Variants in NBEA observed in about 807,000 individuals in gnomAD.
NBEA encodes the protein neurobeachin, also known as lysosomal-trafficking regulator 2.
A neutral mutation model predicts 343.4 loss-of-function variants in NBEA; 44 were observed. The ratio of observed to expected loss-of-function variants is 0.13; its 90% CI spans 0.10 to 0.16. NBEA has a LOEUF of 0.16. Ranked by LOEUF, NBEA falls within the 10% of genes least tolerant of loss-of-function variation. NBEA has a pLI of 1.00. For synonymous variants in NBEA, 1,175 were observed against 1,238.7 expected (o/e 0.95, Z 1.08); for missense variants, 2,555 against 3,631.3 (o/e 0.70, Z 7.62).
At chr13:35,468,830 G>A (rs1326462542) in intron 40 of NBEA, among the ~76,000 whole-genome samples, 1 of 152,088 alleles carries the variant, frequency 6.6e-6, no homozygotes, top group East Asian at 1.9e-4. Context: ...CGTGCACAGC[G>A]GCTCATGCCT....
intron 36 of NBEA, among the ~76,000 whole-genome samples, chr13:35,314,498 C>T (rs146844325): frequency 4.3e-4 from 65 of 152,200 alleles, no homozygotes; most frequent in Non-Finnish European, 7.5e-4. Flanking sequence ...TCTCCCAGTA[C>T]CTCAATTTTT....
intron 40 of NBEA, among the ~76,000 whole-genome samples, chr13:35,455,409 A>AG (rs1020619390): frequency 1.3e-5 from 2 of 150,410 alleles, no homozygotes; most frequent in East Asian, 1.9e-4. Flanking sequence ...AAAAAAAAAA[A>AG]AAGAAGAAGA....
chr13:34,948,509 C>A (rs1188854620), intron 1 of NBEA, among the ~76,000 whole-genome samples: 1 of 152,154 alleles, frequency 6.6e-6, no homozygotes, highest in African/African-American at 2.4e-5. Context: ...ATCTTCTAAC[C>A]ATTAAATTAT....
intron 41 of NBEA, among the ~76,000 whole-genome samples, chr13:35,514,540 C>T (rs1473978661): frequency 6.6e-6 from 1 of 151,856 alleles, no homozygotes; most frequent in Non-Finnish European, 1.5e-5. Context: ...GATGCAAAAG[C>T]CTACTAAAAT....
intron 37 of NBEA, among the ~76,000 whole-genome samples, chr13:35,350,669 G>A (rs765260960): frequency 7.3e-5 from 11 of 150,354 alleles, no homozygotes; most frequent in Non-Finnish European, 1.3e-4. Flanking sequence ...TTTGATGATT[G>A]TACCTTATTT....
chr13:35,368,723 C>T (rs1194870930), intron 38 of NBEA, among the ~76,000 whole-genome samples: 1 of 151,532 alleles, frequency 6.6e-6, no homozygotes, highest in Non-Finnish European at 1.5e-5. Flanking sequence ...ACAGTACCTG[C>T]CACTTAGGCT....
Position 34,965,882 on chromosome 13 carries a change from C to T in NBEA, c.294+22768C>T, listed in dbSNP as rs557892564. On this transcript the variant is annotated intron_variant, in intron 1 of 58. Transcript: ENST00000379939. ...ATTATCTGTTGTTGTTTGTTTGTAC[C>T]GAATGTAATAAAATGATAATGTAGT... is the stretch of plus-strand genomic sequence containing the variant. Among the ~76,000 whole-genome samples, 6 of 151,966 alleles carry T rather than the reference C, an allele frequency of 3.9e-5. No individual in the cohort carries two copies. The East Asian group carries it at 7.7e-4, about 20-fold the overall frequency.
chr13:35,371,291 A>T (rs2041417691), intron 38 of NBEA, among the ~76,000 whole-genome samples: 1 of 151,832 alleles, frequency 6.6e-6, no homozygotes, highest in South Asian at 2.1e-4. Flanking sequence ...TGTTATGAGG[A>T]CTTTGTTTAT....
intron 40 of NBEA, among the ~76,000 whole-genome samples, chr13:35,471,577 A>C (rs1046048462): frequency 1.3e-5 from 2 of 152,274 alleles, no homozygotes; most frequent in African/African-American, 4.8e-5. Context: ...TCCCATTTGA[A>C]TTCATATTCC....
chr13:35,191,847 T>A (rs1329849145), intron 30 of NBEA, among the ~76,000 whole-genome samples: 1 of 152,080 alleles, frequency 6.6e-6, no homozygotes, highest in Non-Finnish European at 1.5e-5. Context: ...GTAAGACATA[T>A]TGAAATTCTT....
At chr13:35,305,754 G>A (rs1414113212) in intron 35 of NBEA, among the ~76,000 whole-genome samples, 1 of 152,150 alleles carries the variant, frequency 6.6e-6, no homozygotes, top group African/African-American at 2.4e-5. Context: ...GAGATTCGGG[G>A]ACTAGCACAA....
At chr13:35,148,880 A>C (rs2068599056) in intron 18 of NBEA, among the ~76,000 whole-genome samples, 1 of 152,198 alleles carries the variant, frequency 6.6e-6, no homozygotes, top group Non-Finnish European at 1.5e-5. Flanking sequence ...GCTGTGTACC[A>C]GTAAAACTGT....
chr13:35,086,577 G>T (rs1486157847), intron 10 of NBEA, among the ~76,000 whole-genome samples: 1 of 151,952 alleles, frequency 6.6e-6, no homozygotes, highest in African/African-American at 2.4e-5. Flanking sequence ...AACTTAGGTT[G>T]ATTTCATAGC....
At chr13:34,996,788 G>C (rs2060957250) in intron 1 of NBEA, among the ~76,000 whole-genome samples, 1 of 152,028 alleles carries the variant, frequency 6.6e-6, no homozygotes, top group Admixed American at 6.6e-5. Context: ...TGTATGTTTT[G>C]ATTAATGTAT....
At chr13:35,319,693 T>A (rs2038001876) in intron 36 of NBEA, among the ~76,000 whole-genome samples, 1 of 152,222 alleles carries the variant, frequency 6.6e-6, no homozygotes, top group South Asian at 2.1e-4. Context: ...CAGTGGGGTG[T>A]TAAAGTCTCC....
intron 41 of NBEA, chr13:35,474,194 CACA>C (rs761222512): frequency 9.2e-5 from 14 of 152,588 alleles, no homozygotes; most frequent in African/African-American, 2.4e-4. Flanking sequence ...TAAAGTGAGA[CACA>C]ACAACTTTTA....
chr13:35,592,910 CAGAGTGATTTTTGTGATCAGTATCAG>C (rs2081602462), intron 46 of NBEA: 1 of 154,686 alleles, frequency 6.5e-6, no homozygotes, highest in African/African-American at 2.6e-5. Flanking sequence ...TGATCAGTAT[CAGAGTGATTTTTGTGATCAGTATCAG>C]AGTGATTTTT....
intron 36 of NBEA, among the ~76,000 whole-genome samples, chr13:35,318,201 AG>A (rs1387978069): frequency 6.6e-6 from 1 of 152,168 alleles, no homozygotes; most frequent in East Asian, 1.9e-4. Context: ...AAATGCTTCC[AG>A]TTTTTGCCCA....
At chr13:35,010,494 T>G (rs2061445909) in intron 1 of NBEA, among the ~76,000 whole-genome samples, 1 of 148,242 alleles carries the variant, frequency 6.7e-6, no homozygotes, top group Non-Finnish European at 1.5e-5. Flanking sequence ...GGTGGGAGGA[T>G]CATTTGAGCC....
Sources: allele counts gnomAD v4.1 joint callset (sites outside exome capture counted in the v4.1 genomes callset), GRCh38; gene constraint gnomAD v4.1.1; transcripts MANE v1.5; gene names NCBI Gene and HGNC (gene_info 2026-07-23, HGNC 2026-07-21).